Variants in STK33 observed in about 807,000 individuals in gnomAD.
STK33 encodes the protein serine/threonine-protein kinase 33.
A neutral mutation model predicts 58.0 loss-of-function variants in STK33; 52 were observed. That is an observed-to-expected ratio of 0.90 (90% confidence interval 0.72 to 1.13). The LOEUF is 1.13. Among genes scored for constraint, STK33 ranks in the 50% most tolerant of loss-of-function variants. The pLI, the probability that STK33 is intolerant of heterozygous loss-of-function variation, is 0.00. For missense variants in STK33, 630 were observed against 604.2 expected, an observed-to-expected ratio of 1.04 and a Z score of -0.45; for synonymous variants, 215 against 200.1, an observed-to-expected ratio of 1.07 and a Z score of -0.63.
chr11:8,392,733 A>C, intron 15 of STK33, 23 bp from the exon 16 acceptor site: 1 of 1,612,166 alleles, frequency 6.2e-7, no homozygotes, highest in Non-Finnish European at 8.5e-7. Flanking sequence ...GGTCTTGATT[A>C]ATTTTCAGAC....
At chr11:8,495,751 T>C (rs953938430) in intron 1 of STK33, among the ~76,000 whole-genome samples, 9 of 152,236 alleles carry the variant, frequency 5.9e-5, no homozygotes, top group Middle Eastern at 6.8e-3. Context: ...ATAAACACCA[T>C]AGAATACTGT....
chr11:8,409,796 T>C (rs181248243), intron 15 of STK33, among the ~76,000 whole-genome samples: 43 of 152,284 alleles, frequency 2.8e-4, no homozygotes, highest in African/African-American at 9.6e-4. Context: ...ATGGCTAACA[T>C]TAATAAGTAC....
At chr11:8,536,584 G>A (rs1955017008) in intron 1 of STK33, among the ~76,000 whole-genome samples, 1 of 152,044 alleles carries the variant, frequency 6.6e-6, no homozygotes, top group African/African-American at 2.4e-5. Context: ...GAAATACAAA[G>A]CACCAGCTAT....
chr11:8,489,088 A>G (rs572151408), intron 1 of STK33, among the ~76,000 whole-genome samples: 39 of 152,064 alleles, frequency 2.6e-4, no homozygotes, highest in African/African-American at 8.9e-4. Context: ...GCTAGACCCT[A>G]TCTCTAGTAA....
intron 1 of STK33, among the ~76,000 whole-genome samples, chr11:8,504,085 A>G (rs1475427635): frequency 6.6e-6 from 1 of 152,214 alleles, no homozygotes; most frequent in Non-Finnish European, 1.5e-5. Context: ...AGGAACTCAT[A>G]CAAAATAGGA....
intron 1 of STK33, among the ~76,000 whole-genome samples, chr11:8,511,694 C>T (rs574836348): frequency 1.3e-5 from 2 of 152,188 alleles, no homozygotes; most frequent in Admixed American, 6.5e-5. Context: ...TAAAGAGATG[C>T]TGGATTTTAT....
intron 14 of STK33, among the ~76,000 whole-genome samples, chr11:8,418,658 G>A (rs1267192189): frequency 6.6e-6 from 1 of 152,054 alleles, no homozygotes; most frequent in Non-Finnish European, 1.5e-5. Flanking sequence ...CTGAGGAATC[G>A]CCACACTGCT....
rs1039001659 is a variant in STK33, at chr11:8,511,179, T to C, written c.-465-30565A>G. Among the ~76,000 whole-genome samples the C allele has an allele frequency of 4.6e-5, 7 of 152,308 alleles. No individual in the cohort carries two copies. The East Asian group carries it at 1.2e-3, about 25-fold the overall frequency. On this transcript the variant is annotated intron_variant, in intron 1 of 15. Transcript: ENST00000687296. ...TATGATTTCTTTCAGCAGTGTTTTG[T>C]AGTTCTCCTTGTAAAGATCTTCCAC... is the stretch of plus-strand genomic sequence containing the variant.
intron 1 of STK33, among the ~76,000 whole-genome samples, chr11:8,497,930 A>G (rs183110785): frequency 6.5e-4 from 99 of 152,272 alleles, no homozygotes; most frequent in African/African-American, 2.3e-3. Context: ...TTGTAGACCA[A>G]TTTCCCTTAT....
At chr11:8,426,291 G>A (rs1041243586) in intron 14 of STK33, among the ~76,000 whole-genome samples, 4 of 152,216 alleles carry the variant, frequency 2.6e-5, no homozygotes, top group East Asian at 1.9e-4. Context: ...TTGTTCTGCC[G>A]GTGGATGGCT....
At chr11:8,404,168 C>G (rs1165972092) in intron 15 of STK33, among the ~76,000 whole-genome samples, 1 of 152,190 alleles carries the variant, frequency 6.6e-6, no homozygotes, top group Non-Finnish European at 1.5e-5. Flanking sequence ...AATTGACTTC[C>G]AAATATATAG....
chr11:8,365,488 C>A, the STK33 span, among the ~76,000 whole-genome samples: 3 of 152,214 alleles, frequency 2.0e-5, no homozygotes, highest in Non-Finnish European at 4.4e-5. Context: ...TGCAGCCAGC[C>A]ATTCTGGGGG....
intron 1 of STK33, among the ~76,000 whole-genome samples, chr11:8,525,023 T>A (rs149329894): frequency 2.6e-5 from 4 of 152,198 alleles, no homozygotes; most frequent in Non-Finnish European, 5.9e-5. Context: ...CTAAAAAAAC[T>A]GGTTTTTTAA....
At chr11:8,550,178 T>C (rs988739802) in intron 1 of STK33, among the ~76,000 whole-genome samples, 1 of 152,234 alleles carries the variant, frequency 6.6e-6, no homozygotes, top group African/African-American at 2.4e-5. Context: ...ATGATAGTAA[T>C]AATTCTTCTT....
chr11:8,430,889 T>C (rs1564937594), intron 14 of STK33, among the ~76,000 whole-genome samples: 1 of 145,910 alleles, frequency 6.9e-6, no homozygotes, highest in Non-Finnish European at 1.5e-5. Flanking sequence ...TTTTTTGAGA[T>C]GGAGTCTTGC....
intron 15 of STK33, among the ~76,000 whole-genome samples, chr11:8,407,725 C>A (rs1272504459): frequency 2.0e-5 from 3 of 151,446 alleles, no homozygotes; most frequent in African/African-American, 7.3e-5. Context: ...ACCTATAGAA[C>A]GATATCACAC....
intron 11 of STK33, among the ~76,000 whole-genome samples, chr11:8,444,264 A>G (rs140761732): frequency 0.045 from 6,871 of 152,208 alleles, 227 homozygotes; most frequent in South Asian, 0.062. Context: ...AGCACTTTAT[A>G]TATTTTTTCT....
intron 1 of STK33, among the ~76,000 whole-genome samples, chr11:8,523,443 CG>C (rs2139908370): frequency 1.3e-5 from 2 of 151,588 alleles, no homozygotes; most frequent in South Asian, 4.2e-4. Context: ...TCTGCCCGGC[CG>C]CCCCGTCTGA....
At chr11:8,490,662 A>G (rs940736469) in intron 1 of STK33, among the ~76,000 whole-genome samples, 1 of 152,090 alleles carries the variant, frequency 6.6e-6, no homozygotes, top group African/African-American at 2.4e-5. Context: ...GACACCTTCC[A>G]GTAGGGGGCT....
Sources: gnomAD v4.1 joint callset for allele counts (sites outside exome capture counted in the v4.1 genomes callset) on GRCh38, gnomAD v4.1.1 for gene constraint, MANE v1.5 for transcripts, NCBI Gene and HGNC (gene_info 2026-07-23, HGNC 2026-07-21) for gene names.